Variants in RARB observed in about 807,000 individuals in gnomAD.
RARB encodes the protein HBV-activated protein.
Under a neutral mutation model 51.9 loss-of-function variants are expected in RARB, and 17 were observed. That is an observed-to-expected ratio of 0.33 (90% CI 0.22 to 0.49). The LOEUF (loss-of-function observed/expected upper bound fraction) is 0.49. Ranked by LOEUF, RARB falls within the 20% of genes least tolerant of loss-of-function variation. The probability of loss-of-function intolerance (pLI) is 0.99; values close to 1 mark genes in which losing one functional copy is unlikely to be tolerated. For missense variants in RARB, 369 were observed against 550.8 expected (o/e 0.67, Z 3.30); for synonymous variants, 215 against 195.4 (o/e 1.10, Z -0.84).
chr3:25,571,064 A>G (rs541328475), intron 4 of RARB, among the ~76,000 whole-genome samples: 35 of 152,156 alleles, frequency 2.3e-4, no homozygotes, highest in South Asian at 1.5e-3. Flanking sequence ...GCAGGCCCAG[A>G]GGGGCGCCCA....
chr3:25,495,132 C>A (rs1696959108), intron 2 of RARB, among the ~76,000 whole-genome samples: 1 of 152,132 alleles, frequency 6.6e-6, no homozygotes, highest in African/African-American at 2.4e-5. Context: ...ACAGAAATCA[C>A]CCCCTGTGGA....
intron 2 of RARB, among the ~76,000 whole-genome samples, chr3:25,465,306 G>A (rs956514193): frequency 9.2e-5 from 14 of 152,058 alleles, no homozygotes; most frequent in African/African-American, 3.4e-4. Context: ...CCTGTGTGTG[G>A]TATCATTTTA....
intron 4 of RARB, among the ~76,000 whole-genome samples, chr3:25,151,457 C>G (rs1700285340): frequency 6.6e-6 from 1 of 152,188 alleles, no homozygotes; most frequent in African/African-American, 2.4e-5. Context: ...CCACCAACAT[C>G]TTGTAATACT....
intron 3 of RARB, among the ~76,000 whole-genome samples, chr3:25,547,999 G>C (rs923829636): frequency 2.6e-5 from 4 of 151,856 alleles, no homozygotes; most frequent in Non-Finnish European, 4.4e-5. Flanking sequence ...TATTTTATCT[G>C]TTTGAGCCCC....
chr3:24,968,559 T>C (rs1306841756), intron 2 of RARB, among the ~76,000 whole-genome samples: 1 of 152,114 alleles, frequency 6.6e-6, no homozygotes, highest in Non-Finnish European at 1.5e-5. Context: ...TGTGGACATT[T>C]GACAGGTGAC....
chr3:25,172,153 A>G (rs1465367616), intron 4 of RARB, among the ~76,000 whole-genome samples: 1 of 152,158 alleles, frequency 6.6e-6, no homozygotes, highest in East Asian at 1.9e-4. Context: ...TTCGTTTTTA[A>G]TATTAATAGG....
intron 1 of RARB, among the ~76,000 whole-genome samples, chr3:25,431,323 A>G (rs1018385382): frequency 1.3e-5 from 2 of 152,266 alleles, no homozygotes; most frequent in South Asian, 2.1e-4. Flanking sequence ...GGAGCACACC[A>G]TCACAAGCTC....
chr3:25,380,931 C>G (rs1033536325), intron 5 of RARB, among the ~76,000 whole-genome samples: 1 of 152,122 alleles, frequency 6.6e-6, no homozygotes, highest in Admixed American at 6.6e-5. Flanking sequence ...TCTCTCCCAT[C>G]CTTATCTCCT....
At chr3:25,588,663 C>A (rs1173852123) in intron 5 of RARB, among the ~76,000 whole-genome samples, 6 of 152,178 alleles carry the variant, frequency 3.9e-5, no homozygotes, top group Admixed American at 3.9e-4. Context: ...AAGACCCCGG[C>A]CAGAGCTGCA....
intron 5 of RARB, among the ~76,000 whole-genome samples, chr3:25,420,656 A>G (rs1472376162): frequency 2.6e-5 from 4 of 152,228 alleles, no homozygotes; most frequent in African/African-American, 9.6e-5. Flanking sequence ...GCAAAAAGCC[A>G]TACTCTGCTT....
chr3:25,259,071 G>C (rs978820638), intron 5 of RARB: 3 of 985,244 alleles, frequency 3.0e-6, no homozygotes, highest in Non-Finnish European at 2.4e-6. Context: ...ACTTCAGTAT[G>C]AGAAACAGTA....
chr3:25,114,387 G>C (rs1233375880), intron 3 of RARB, among the ~76,000 whole-genome samples: 1 of 152,090 alleles, frequency 6.6e-6, no homozygotes, highest in Non-Finnish European at 1.5e-5. Flanking sequence ...ATAATTGAGA[G>C]TTTTCACTAG....
intron 2 of RARB, among the ~76,000 whole-genome samples, chr3:25,036,147 T>C (rs540728033): frequency 6.6e-6 from 1 of 152,302 alleles, no homozygotes; most frequent in East Asian, 1.9e-4. Flanking sequence ...TTTTAAACAC[T>C]TGAAATCCCC....
chr3:25,187,361 G>A (rs1253758079), intron 5 of RARB, among the ~76,000 whole-genome samples: 2 of 152,034 alleles, frequency 1.3e-5, no homozygotes, highest in African/African-American at 4.8e-5. Flanking sequence ...TGGTGGTGCA[G>A]TGGGACAGGC....
At chr3:25,319,325 G>GT (rs1383539773) in intron 5 of RARB, among the ~76,000 whole-genome samples, 1 of 152,150 alleles carries the variant, frequency 6.6e-6, no homozygotes, top group East Asian at 1.9e-4. Context: ...CTAAATCCTT[G>GT]TGGGAGTATC....
intron 5 of RARB, among the ~76,000 whole-genome samples, chr3:25,337,345 A>G (rs1705094137): frequency 6.6e-6 from 1 of 152,292 alleles, no homozygotes; most frequent in African/African-American, 2.4e-5. Flanking sequence ...AATCACAACC[A>G]TTATAGTTAA....
chr3:25,216,641 G>A (rs1039584290), intron 5 of RARB, among the ~76,000 whole-genome samples: 1 of 151,806 alleles, frequency 6.6e-6, no homozygotes, highest in Non-Finnish European at 1.5e-5. Context: ...GTGCAGCGAA[G>A]CACCATAGCA....
In RARB at chr3:25,428,686, A is replaced by G. The variant is rs1450017351; in HGVS notation, c.-46A>G. 3.2e-6 allele frequency: 5 copies of G among 1,573,488 alleles called. No individual in the cohort carries two copies. The South Asian group carries it at 3.4e-5, about 11-fold the overall frequency. On this transcript the variant is annotated 5_prime_UTR_variant, in exon 1 of 8. Coordinates refer to ENST00000330688, the MANE Select transcript of RARB (RefSeq NM_000965.5). ...ACTTTTCTATGCCATTTGCCTCCAC[A>G]CCTAGAGGATAAGCACTTTTGCAGA...
chr3:25,064,611 A>T (rs1412067408), intron 3 of RARB, among the ~76,000 whole-genome samples: 4 of 152,154 alleles, frequency 2.6e-5, no homozygotes, highest in Non-Finnish European at 5.9e-5. Context: ...GCTATTGTGA[A>T]ATGTAGTTAG....
Sources: gnomAD v4.1 joint callset for allele counts (sites outside exome capture counted in the v4.1 genomes callset) on GRCh38, gnomAD v4.1.1 for gene constraint, MANE v1.5 for transcripts, NCBI Gene and HGNC (gene_info 2026-07-23, HGNC 2026-07-21) for gene names.